AGBL1: variants seen among roughly 807,000 people sequenced by gnomAD.
AGBL1 encodes the protein AGBL carboxypeptidase 1, also known as cytosolic carboxypeptidase 4.
AGBL1 carries 130 observed loss-of-function variants against 118.9 expected under a neutral mutation model. The observed-to-expected ratio is 1.09, with a 90% confidence interval of 0.95 to 1.26. AGBL1 has a LOEUF of 1.26. Among genes scored for constraint, AGBL1 ranks in the 50% most tolerant of loss-of-function variants. The probability of loss-of-function intolerance (pLI) is 0.00; values close to 1 mark genes in which losing one functional copy is unlikely to be tolerated. For missense variants in AGBL1, 1,584 were observed against 1,298.1 expected (o/e 1.22, Z -3.38); for synonymous variants, 555 against 478.9 (o/e 1.16, Z -2.08).
chr15:86,788,973 G>T (rs1380861552), intron 22 of AGBL1, among the ~76,000 whole-genome samples: 2 of 152,198 alleles, frequency 1.3e-5, no homozygotes, highest in Non-Finnish European at 2.9e-5. Context: ...GCAGGCAGTA[G>T]GGTTTCAGGT....
At chr15:86,660,992 G>A (rs955907403) in intron 21 of AGBL1, among the ~76,000 whole-genome samples, 1 of 152,106 alleles carries the variant, frequency 6.6e-6, no homozygotes, top group Non-Finnish European at 1.5e-5. Context: ...TAAATTCAGG[G>A]ACTGAGAAAG....
At chr15:86,320,722 C>CGTGTGTGTGT (rs3050863) in intron 17 of AGBL1, among the ~76,000 whole-genome samples, 2 of 148,056 alleles carry the variant, frequency 1.4e-5, no homozygotes, top group Non-Finnish European at 3.0e-5. Context: ...TGTGTGTGTG[C>CGTGTGTGTGT]GTGTGTGTGT....
chr15:86,761,722 T>C (rs1362771391), intron 22 of AGBL1, among the ~76,000 whole-genome samples: 1 of 152,168 alleles, frequency 6.6e-6, no homozygotes, highest in Non-Finnish European at 1.5e-5. Flanking sequence ...TTGTAGATTC[T>C]GGTTATTAGA....
chr15:86,637,917 T>C (rs1432125018), intron 21 of AGBL1, among the ~76,000 whole-genome samples: 1 of 152,228 alleles, frequency 6.6e-6, no homozygotes, highest in Non-Finnish European at 1.5e-5. Context: ...TGGAAAATAT[T>C]AATTTGCAAT....
chr15:86,331,953 T>C (rs1392323477), intron 17 of AGBL1, among the ~76,000 whole-genome samples: 1 of 152,192 alleles, frequency 6.6e-6, no homozygotes, highest in African/African-American at 2.4e-5. Flanking sequence ...GTTGTCTAAG[T>C]GCCCCACTTA....
rs577821373 is a variant in AGBL1 at position 86,830,445 on chromosome 15, GC to G, written c.3159-76641del. Among the ~76,000 whole-genome samples the G allele has an allele frequency of 1.4e-4, 21 of 152,194 alleles. No individual in the cohort carries two copies. In the East Asian group the frequency reaches 3.9e-3, roughly 28 times the overall value. On this transcript the variant is annotated intron_variant, in intron 22 of 22. Coordinates refer to ENST00000614907, the MANE Select transcript of AGBL1 (RefSeq NM_001386094.1). ...CCAGAAAGCATCTACCACCAAGGAG[GC>G]TTCAGTCACCAGGTGGACAGAATGA...
intron 17 of AGBL1, among the ~76,000 whole-genome samples, chr15:86,353,191 G>A (rs1379306892): frequency 1.3e-5 from 2 of 152,200 alleles, no homozygotes; most frequent in Admixed American, 6.5e-5. Flanking sequence ...GAAAAGCTGA[G>A]TGAGGGAAGT....
Position 86,247,721 on chromosome 15 carries a change from G to C in AGBL1, c.577G>C (p.Gly193Arg). 4 of 1,613,402 alleles carry C rather than the reference G, an allele frequency of 2.5e-6. No individual in the cohort carries two copies. Among genetic ancestry groups the C allele is most frequent in the Non-Finnish European group, 3.4e-6 (4 of 1,179,696 alleles). Residue 193 changes from glycine to arginine, a missense_variant, in exon 7 of 23, where the codon GGG (glycine) becomes CGG (arginine). By Grantham distance (125) the Gly-to-Arg change is moderately radical (BLOSUM62 -2). Transcript: ENST00000614907. ...CCGAGGCTACGTCACCAGCCTGCTCGGGCTGCACCAGGACTGGCACAGCCA... is the reference window on the plus strand; with the variant it reads ...CCGAGGCTACGTCACCAGCCTGCTCCGGCTGCACCAGGACTGGCACAGCCA... ...VNRGYVTSLL[G>R]LHQDWHSHDT... is the part of the protein sequence containing the mutation.
At chr15:86,475,592 G>A (rs1381811491) in intron 18 of AGBL1, among the ~76,000 whole-genome samples, 3 of 152,186 alleles carry the variant, frequency 2.0e-5, no homozygotes, top group Admixed American at 6.5e-5. Context: ...CCAAATCTAC[G>A]TCTGATTGGT....
At chr15:86,245,613 G>T (rs1404279590) in intron 6 of AGBL1, among the ~76,000 whole-genome samples, 1 of 152,196 alleles carries the variant, frequency 6.6e-6, no homozygotes, top group East Asian at 1.9e-4. Flanking sequence ...AGGTATCTTG[G>T]ACTGTTCTTC....
chr15:86,528,558 C>A (rs1382609740), intron 19 of AGBL1, among the ~76,000 whole-genome samples: 28 of 144,548 alleles, frequency 1.9e-4, no homozygotes, highest in African/African-American at 6.2e-4. Context: ...CCCAGGCTTG[C>A]TTAGGTAAAC....
chr15:86,143,438 T>A lies in AGBL1; in HGVS notation c.116-261T>A, dbSNP rs2076990684. On this transcript the variant is annotated intron_variant, in intron 2 of 22. Transcript: ENST00000614907. The stretch of plus-strand genomic sequence containing the variant: ...TACATATACTGAATATTCAACAGAA[T>A]CTCAGATAAGCTCTATTTATTACAG... 2.0e-5 allele frequency among the ~76,000 whole-genome samples: 3 copies of A among 152,310 alleles called. No homozygotes were observed. The South Asian group carries it at 6.2e-4, about 32-fold the overall frequency.
At chr15:86,930,166 A>G (rs1198329353) in intron 23 of AGBL1, among the ~76,000 whole-genome samples, 1 of 152,182 alleles carries the variant, frequency 6.6e-6, no homozygotes, top group Non-Finnish European at 1.5e-5. Context: ...AATATAACGA[A>G]TATCACTGGA....
intron 23 of AGBL1, among the ~76,000 whole-genome samples, chr15:86,948,748 A>G (rs1456427803): frequency 6.6e-6 from 1 of 152,254 alleles, no homozygotes; most frequent in Admixed American, 6.5e-5. Context: ...TGCCATTGAT[A>G]TATCTAAAAT....
chr15:86,389,155 T>G (rs2081240737), intron 17 of AGBL1, among the ~76,000 whole-genome samples: 2 of 152,058 alleles, frequency 1.3e-5, no homozygotes, highest in Non-Finnish European at 2.9e-5. Flanking sequence ...ACAGAAAACA[T>G]TAAAAAAATA....
intron 21 of AGBL1, among the ~76,000 whole-genome samples, chr15:86,562,604 CTT>C (rs1181641140): frequency 6.6e-6 from 1 of 152,058 alleles, no homozygotes; most frequent in East Asian, 1.9e-4. Flanking sequence ...CTAAAATTCT[CTT>C]TTTTTGTTGT....
At position 86,864,558 on chromosome 15, in the gene AGBL1, C is replaced by T. The variant is rs528321320; in HGVS notation, c.3159-42529C>T. ...TGAGAGTAAATCCTGGGTCATCTTACTCCAGAGCTTGCCTTCATACTACTC... is the reference window on the plus strand; with the variant it reads ...TGAGAGTAAATCCTGGGTCATCTTATTCCAGAGCTTGCCTTCATACTACTC... On this transcript the variant is annotated intron_variant, in intron 22 of 22. Coordinates refer to ENST00000614907, the MANE Select transcript of AGBL1 (RefSeq NM_001386094.1). Among the ~76,000 whole-genome samples, 83 of 152,254 alleles carry T rather than the reference C, an allele frequency of 5.5e-4. 1 individual carries two copies. Among genetic ancestry groups the T allele is most frequent in the African/African-American group, 1.9e-3 (81 of 41,558 alleles).
intron 1 of AGBL1, among the ~76,000 whole-genome samples, chr15:86,116,356 T>A (rs1465097328): frequency 2.0e-5 from 3 of 152,238 alleles, no homozygotes; most frequent in Non-Finnish European, 4.4e-5. Flanking sequence ...GTTTGTTTTT[T>A]TCCAATTACT....
At chr15:86,632,152 C>T (rs912905519) in intron 21 of AGBL1, among the ~76,000 whole-genome samples, 4 of 151,534 alleles carry the variant, frequency 2.6e-5, no homozygotes, top group Admixed American at 1.3e-4. Context: ...TTTGTAGTCC[C>T]AGCTACTTGG....
Sources: allele counts gnomAD v4.1 joint callset (sites outside exome capture counted in the v4.1 genomes callset), GRCh38; gene constraint gnomAD v4.1.1; transcripts MANE v1.5; gene names NCBI Gene and HGNC (gene_info 2026-07-23, HGNC 2026-07-21).